The following ADAMTS12 variants were observed in gnomAD, a reference collection of about 807,000 sequenced individuals.
ADAMTS12 encodes A disintegrin and metalloproteinase with thrombospondin motifs 12.
In ADAMTS12, 118 loss-of-function variants were observed where a neutral mutation model predicts 167.8. The observed-to-expected ratio is 0.70, with a 90% CI of 0.61 to 0.82. ADAMTS12 has a LOEUF of 0.82. ADAMTS12 is among the 40% of genes least tolerant of loss of function. The pLI is 0.00. For synonymous variants in ADAMTS12, 704 were observed against 716.9 expected (o/e 0.98, Z 0.29); for missense variants, 1,916 against 1,998.8 (o/e 0.96, Z 0.79).
chr5:33,874,769 C>G (rs1435404123), intron 2 of ADAMTS12, among the ~76,000 whole-genome samples: 1 of 152,078 alleles, frequency 6.6e-6, no homozygotes, highest in Non-Finnish European at 1.5e-5. Context: ...AGCTTTCAAG[C>G]CATAAAAAAA....
intron 2 of ADAMTS12, among the ~76,000 whole-genome samples, chr5:33,835,943 C>T (rs1478689555): frequency 2.1e-5 from 1 of 46,754 alleles, no homozygotes; most frequent in South Asian, 9.8e-4. Context: ...CTCTCTCTCT[C>T]TCTCTCTCTC....
intron 13 of ADAMTS12, among the ~76,000 whole-genome samples, chr5:33,629,778 T>C (rs1197768249): frequency 2.0e-5 from 3 of 152,170 alleles, no homozygotes; most frequent in African/African-American, 7.2e-5. Flanking sequence ...CTTTAAAAAT[T>C]TTCATTTTCT....
rs543458171 is a variant in ADAMTS12 at position 33,793,744 on chromosome 5, G to A, written c.490-42196C>T. Among the ~76,000 whole-genome samples, 17 of 152,168 alleles carry A rather than the reference G, an allele frequency of 1.1e-4. No homozygotes were observed. In the South Asian group the frequency reaches 3.3e-3, roughly 30 times the overall value. On this transcript the variant is annotated intron_variant, in intron 2 of 23. Transcript: ENST00000504830. ...TCACTCAGCTCCCATGCAAACTGAA[G>A]GGCCAATCTCACTCCCACCGTGCCC...
In ADAMTS12 at chr5:33,576,317, C is replaced by T. The variant is rs753978117; in HGVS notation, c.3709G>A (p.Glu1237Lys). 4.3e-5 allele frequency: 69 copies of T among 1,614,078 alleles called. No homozygotes were observed. The Middle Eastern group carries it at 4.9e-4, about 12-fold the overall frequency. ...TTSETGTPRV[E>K]GMVTEKPANT... ...GCTGGCTTTTCAGTAACCATCCCCT[C>T]AACTCTGGGTGTCCCAGTTTCGGAA... The change falls in exon 19 of 24, where the codon GAG becomes AAG. Residue 1237 changes from glutamate to lysine, a missense_variant. Glu to Lys is a moderately conservative substitution (Grantham distance 56). Coordinates refer to ENST00000504830, the MANE Select transcript of ADAMTS12 (RefSeq NM_030955.4).
At chr5:33,826,044 T>C (rs777511994) in intron 2 of ADAMTS12, among the ~76,000 whole-genome samples, 3 of 152,204 alleles carry the variant, frequency 2.0e-5, no homozygotes, top group South Asian at 2.1e-4. Context: ...CTTCGTTATG[T>C]GAACTGCAGT....
chr5:33,637,480 T>C (rs984982761), intron 12 of ADAMTS12, 97 bp downstream of exon 12: 2 of 1,293,294 alleles, frequency 1.5e-6, no homozygotes, highest in Admixed American at 2.4e-5. Context: ...ATTGTCTTTG[T>C]TAAGCTTTGT....
At chr5:33,555,044 T>C (rs1430836155) in intron 20 of ADAMTS12, among the ~76,000 whole-genome samples, 1 of 152,154 alleles carries the variant, frequency 6.6e-6, no homozygotes, top group Non-Finnish European at 1.5e-5. Context: ...AAAAGGGCAA[T>C]GTTCATTCTA....
chr5:33,597,525 A>G (rs1159613216), intron 16 of ADAMTS12, among the ~76,000 whole-genome samples: 1 of 152,092 alleles, frequency 6.6e-6, no homozygotes, highest in Non-Finnish European at 1.5e-5. Context: ...AGCTCGCAGG[A>G]CTGACCTGGA....
At chr5:33,600,384 C>T (rs1014174499) in intron 16 of ADAMTS12, among the ~76,000 whole-genome samples, 3 of 152,052 alleles carry the variant, frequency 2.0e-5, no homozygotes, top group African/African-American at 7.2e-5. Flanking sequence ...ATGTTCCTTA[C>T]GTCTAAAAGA....
At chr5:33,849,925 A>G (rs1478886129) in intron 2 of ADAMTS12, among the ~76,000 whole-genome samples, 2 of 152,006 alleles carry the variant, frequency 1.3e-5, no homozygotes, top group East Asian at 3.9e-4. Flanking sequence ...TAGCATGTGT[A>G]TATAATATAT....
intron 2 of ADAMTS12, among the ~76,000 whole-genome samples, chr5:33,789,354 G>A (rs1185180832): frequency 6.6e-6 from 1 of 152,210 alleles, no homozygotes; most frequent in Non-Finnish European, 1.5e-5. Context: ...GCCTCCCCCA[G>A]GGCTGAGAGT....
chr5:33,561,961 T>G (rs146674397), intron 19 of ADAMTS12, among the ~76,000 whole-genome samples: 1 of 152,150 alleles, frequency 6.6e-6, no homozygotes, highest in African/African-American at 2.4e-5. Flanking sequence ...ACCTGAGTTG[T>G]AGTCTGGTAT....
intron 18 of ADAMTS12, among the ~76,000 whole-genome samples, chr5:33,581,460 G>C (rs1723477249): frequency 6.6e-6 from 1 of 152,144 alleles, no homozygotes. Context: ...ACTGTGGTGG[G>C]TGAAAAGGCT....
At chr5:33,555,258 T>C (rs1745437876) in intron 20 of ADAMTS12, among the ~76,000 whole-genome samples, 1 of 152,210 alleles carries the variant, frequency 6.6e-6, no homozygotes, top group Non-Finnish European at 1.5e-5. Flanking sequence ...ATATGATTTT[T>C]TTTTAAGATG....
intron 19 of ADAMTS12, among the ~76,000 whole-genome samples, chr5:33,571,687 A>G (rs1746360589): frequency 6.6e-6 from 1 of 150,710 alleles, no homozygotes; most frequent in East Asian, 1.9e-4. Context: ...AATTAAAAGA[A>G]CTAGAAAAGC....
intron 17 of ADAMTS12, among the ~76,000 whole-genome samples, chr5:33,594,796 T>TCAGC (rs1747832021): frequency 1.3e-5 from 2 of 152,162 alleles, no homozygotes; most frequent in African/African-American, 2.4e-5. Flanking sequence ...TACCCTGGCC[T>TCAGC]CTGGGTCCTG....
At chr5:33,544,331 A>C (rs1270658838) in intron 22 of ADAMTS12, among the ~76,000 whole-genome samples, 1 of 152,220 alleles carries the variant, frequency 6.6e-6, no homozygotes, top group East Asian at 1.9e-4. Context: ...TTCAAGGAGA[A>C]CTACAAACCA....
At chr5:33,584,868 T>C (rs1747259605) in intron 18 of ADAMTS12, among the ~76,000 whole-genome samples, 1 of 152,236 alleles carries the variant, frequency 6.6e-6, no homozygotes, top group Non-Finnish European at 1.5e-5. Flanking sequence ...AAAAATCATT[T>C]TCCTAAGACT....
intron 3 of ADAMTS12, among the ~76,000 whole-genome samples, chr5:33,685,854 C>T (rs995728545): frequency 2.0e-5 from 3 of 151,998 alleles, no homozygotes; most frequent in African/African-American, 7.2e-5. Context: ...TTCTGAAACC[C>T]CCTCCCTCAT....
Sources: gnomAD v4.1 joint callset for allele counts (sites outside exome capture counted in the v4.1 genomes callset) on GRCh38, gnomAD v4.1.1 for gene constraint, MANE v1.5 for transcripts, NCBI Gene and HGNC (gene_info 2026-07-23, HGNC 2026-07-21) for gene names.